The following GRIN2B variants were observed in gnomAD, a reference collection of about 807,000 sequenced individuals.
The protein encoded by GRIN2B is glutamate receptor ionotropic, NMDA 2B.
In GRIN2B, 5 loss-of-function variants were observed where a neutral mutation model predicts 114.5. The ratio of observed to expected loss-of-function variants is 0.04; its 90% CI spans 0.02 to 0.09. GRIN2B has a LOEUF of 0.09. Among genes scored for constraint, GRIN2B ranks in the 10% least tolerant of loss-of-function variants. The probability of loss-of-function intolerance (pLI) is 1.00; values close to 1 mark genes in which losing one functional copy is unlikely to be tolerated. For synonymous variants in GRIN2B, 787 were observed against 745.1 expected (o/e 1.06, Z -0.92); for missense variants, 1,108 against 1,943.5 (o/e 0.57, Z 8.08).
intron 3 of GRIN2B, among the ~76,000 whole-genome samples, chr12:13,864,993 G>A (rs953867689): frequency 2.6e-5 from 4 of 152,162 alleles, no homozygotes; most frequent in Non-Finnish European, 5.9e-5. Flanking sequence ...AGGTTCCACG[G>A]ATTAAAATCC....
At chr12:13,970,159 G>A (rs1336859071) in intron 2 of GRIN2B, among the ~76,000 whole-genome samples, 1 of 152,180 alleles carries the variant, frequency 6.6e-6, no homozygotes, top group Non-Finnish European at 1.5e-5. Context: ...ACCTCATGGT[G>A]GAGCCTGCCT....
At chr12:13,714,417 G>A (rs570205806) in intron 4 of GRIN2B, among the ~76,000 whole-genome samples, 6 of 151,994 alleles carry the variant, frequency 3.9e-5, no homozygotes, top group Admixed American at 3.3e-4. Flanking sequence ...GAGAGAAATA[G>A]TTTCCCTAGG....
At chr12:13,743,785 A>T (rs1018052970) in intron 4 of GRIN2B, among the ~76,000 whole-genome samples, 1 of 152,184 alleles carries the variant, frequency 6.6e-6, no homozygotes, top group African/African-American at 2.4e-5. Flanking sequence ...CTGTATGAAA[A>T]TCCTCACTTT....
chr12:13,875,061 C>G (rs773455788), intron 2 of GRIN2B, among the ~76,000 whole-genome samples: 3 of 152,140 alleles, frequency 2.0e-5, no homozygotes, highest in Non-Finnish European at 4.4e-5. Context: ...TCCTGATGCT[C>G]TCTCTCCCCC....
At chr12:13,776,307 A>T (rs1864000685) in intron 3 of GRIN2B, among the ~76,000 whole-genome samples, 1 of 152,182 alleles carries the variant, frequency 6.6e-6, no homozygotes, top group South Asian at 2.1e-4. Flanking sequence ...CAGGAAGAGG[A>T]GCTAATGGAT....
At chr12:13,581,285 C>T (rs2058772) in intron 10 of GRIN2B, among the ~76,000 whole-genome samples, 151,358 of 152,334 alleles carry the variant, frequency 0.99, 75,201 homozygotes, top group Middle Eastern at 1. Flanking sequence ...CAGAAACTGA[C>T]ATTATCTTCC....
intron 4 of GRIN2B, chr12:13,683,855 T>C (rs1950153499): frequency 6.6e-6 from 1 of 152,204 alleles, no homozygotes; most frequent in African/African-American, 2.4e-5. Context: ...TATTACCTAT[T>C]TTTTACATTG....
intron 4 of GRIN2B, among the ~76,000 whole-genome samples, chr12:13,695,217 C>T (rs1410879297): frequency 5.3e-5 from 8 of 152,112 alleles, no homozygotes; most frequent in African/African-American, 1.7e-4. Flanking sequence ...GGATAGGAAA[C>T]CAGTGCATAA....
chr12:13,840,685 C>T (rs1263407572), intron 3 of GRIN2B, among the ~76,000 whole-genome samples: 1 of 152,158 alleles, frequency 6.6e-6, no homozygotes, highest in Non-Finnish European at 1.5e-5. Context: ...AGTTAGGTTA[C>T]TTTCTACCTT....
chr12:13,784,847 A>C (rs994143914), intron 3 of GRIN2B, among the ~76,000 whole-genome samples: 4 of 152,262 alleles, frequency 2.6e-5, no homozygotes, highest in Non-Finnish European at 4.4e-5. Context: ...TGAGCAAAGA[A>C]GCCTACCAAC....
intron 3 of GRIN2B, among the ~76,000 whole-genome samples, chr12:13,845,634 G>A (rs943357028): frequency 1.3e-5 from 2 of 152,132 alleles, no homozygotes; most frequent in Non-Finnish European, 2.9e-5. Context: ...GTCCTCTATT[G>A]TAAAATAAGG....
intron 4 of GRIN2B, among the ~76,000 whole-genome samples, chr12:13,694,736 C>T (rs1950246233): frequency 7.2e-6 from 1 of 139,788 alleles, no homozygotes; most frequent in African/African-American, 2.7e-5. Context: ...CATATCCACT[C>T]TTCTCCTCTA....
At chr12:13,870,029 C>T (rs139882632) in intron 2 of GRIN2B, among the ~76,000 whole-genome samples, 15 of 152,256 alleles carry the variant, frequency 9.9e-5, no homozygotes, top group African/African-American at 3.6e-4. Flanking sequence ...AGGAGCCTAG[C>T]TATTTATGAT....
At chr12:13,605,553 A>ACTCTCTCTCTCTCTCT (rs1949234262) in intron 10 of GRIN2B, among the ~76,000 whole-genome samples, 1 of 2,918 alleles carries the variant, frequency 3.4e-4, no homozygotes, top group South Asian at 0.011. Context: ...TCTCTCTCTG[A>ACTCTCTCTCTCTCTCT]CACACACACA....
intron 10 of GRIN2B, among the ~76,000 whole-genome samples, chr12:13,607,406 TAA>T (rs1949292035): frequency 1.2e-4 from 9 of 77,274 alleles, no homozygotes; most frequent in Admixed American, 4.7e-4. Context: ...ATATAATATA[TAA>T]AATATATAAT....
chr12:13,591,244 G>A (rs1949005335), intron 10 of GRIN2B, among the ~76,000 whole-genome samples: 1 of 152,196 alleles, frequency 6.6e-6, no homozygotes, highest in African/African-American at 2.4e-5. Context: ...GGGCTGAGTG[G>A]TGGGCTCTTG....
intron 2 of GRIN2B, among the ~76,000 whole-genome samples, chr12:13,913,975 C>T (rs1194479204): frequency 6.6e-6 from 1 of 152,086 alleles, no homozygotes; most frequent in Non-Finnish European, 1.5e-5. Context: ...ACAGCACCTG[C>T]TACATCATCA....
chr12:13,830,268 C>T (rs1322031179), intron 3 of GRIN2B, among the ~76,000 whole-genome samples: 1 of 152,120 alleles, frequency 6.6e-6, no homozygotes, highest in Non-Finnish European at 1.5e-5. Flanking sequence ...GTATTATAAC[C>T]TGTTAGTACA....
intron 2 of GRIN2B, among the ~76,000 whole-genome samples, chr12:13,871,820 T>C (rs563206433): frequency 1.3e-5 from 2 of 151,948 alleles, no homozygotes; most frequent in Non-Finnish European, 2.9e-5. Flanking sequence ...TACTTTTCCA[T>C]TTAATGTGTA....
Sources: gnomAD v4.1 joint callset for allele counts (sites outside exome capture counted in the v4.1 genomes callset) on GRCh38, gnomAD v4.1.1 for gene constraint, MANE v1.5 for transcripts, NCBI Gene and HGNC (gene_info 2026-07-23, HGNC 2026-07-21) for gene names.